DRC3: variants seen among roughly 807,000 people sequenced by gnomAD.
DRC3 encodes the protein leucine rich repeat containing 48.
DRC3 carries 45 observed loss-of-function variants against 57.6 expected under a neutral mutation model. The ratio of observed to expected loss-of-function variants is 0.78; its 90% CI spans 0.62 to 1.00. The LOEUF (loss-of-function observed/expected upper bound fraction) is 1.00, where lower values mean the gene tolerates loss of function less well. Ranked by LOEUF, DRC3 falls within the 50% of genes least tolerant of loss-of-function variation. DRC3 has a pLI of 0.00. For synonymous variants in DRC3, 257 were observed against 272.3 expected (o/e 0.94, Z 0.55); for missense variants, 655 against 675.2 (o/e 0.97, Z 0.33).
intron 5 of DRC3, among the ~76,000 whole-genome samples, chr17:17,990,128 C>T (rs2043159587): frequency 6.6e-6 from 1 of 152,208 alleles, no homozygotes. Context: ...AGAGCAAGAA[C>T]TCTCCTTCCG....
At chr17:17,979,929 A>G in intron 3 of DRC3, among the ~76,000 whole-genome samples, 1 of 152,098 alleles carries the variant, frequency 6.6e-6, no homozygotes, top group East Asian at 1.9e-4. Flanking sequence ...CTACGCAGCA[A>G]TCCGGCTCTA....
At chr17:17,977,311 A>G in intron 2 of DRC3, 1 of 429,346 alleles carries the variant, frequency 2.3e-6, no homozygotes, top group South Asian at 2.2e-5. Flanking sequence ...CAGTGTGGAC[A>G]CCAGTCCAGT....
At chr17:18,007,629 G>A in intron 12 of DRC3, 1 of 1,406,190 alleles carries the variant, frequency 7.1e-7, no homozygotes, top group East Asian at 2.7e-5. Flanking sequence ...GGGTCGGCCT[G>A]AGGAACCTGG....
At chr17:17,979,531 C>CT (rs540133990) in intron 3 of DRC3, among the ~76,000 whole-genome samples, 73 of 152,244 alleles carry the variant, frequency 4.8e-4, no homozygotes, top group Middle Eastern at 6.8e-3. Context: ...ATTAAATCGG[C>CT]TTTTTTTGGC....
At chr17:17,981,159 T>G (rs1425889790) in intron 3 of DRC3, 1 of 193,082 alleles carries the variant, frequency 5.2e-6, no homozygotes, top group Non-Finnish European at 1.2e-5. Flanking sequence ...GAGAGCTGGG[T>G]GTAGAAAAGC....
chr17:17,982,995 G>A (rs1206078198), intron 3 of DRC3, among the ~76,000 whole-genome samples: 1 of 152,196 alleles, frequency 6.6e-6, no homozygotes, highest in Admixed American at 6.5e-5. Context: ...AGACAAGTTT[G>A]GCCTCTAGAG....
intron 9 of DRC3, 95 bp from the exon 10 acceptor site, chr17:18,004,268 G>C (rs1428264061): frequency 7.3e-6 from 10 of 1,369,794 alleles, no homozygotes; most frequent in Non-Finnish European, 1.0e-5. Flanking sequence ...AGGCTGACTC[G>C]AGTCCAAATT....
At chr17:17,982,439 C>T (rs58116638) in intron 3 of DRC3, among the ~76,000 whole-genome samples, 5,913 of 150,622 alleles carry the variant, frequency 0.039, 356 homozygotes, top group African/African-American at 0.13. Flanking sequence ...ATGGTCTCCA[C>T]CTCCTCACCT....
intron 13 of DRC3, 171 bp downstream of exon 13, chr17:18,016,366 A>C: frequency 4.7e-6 from 4 of 857,972 alleles, no homozygotes; most frequent in Non-Finnish European, 5.4e-6. Context: ...AGACTTTAAA[A>C]CCCATGGGCT....
chr17:17,974,868 C>T (rs1443846019), intron 2 of DRC3, among the ~76,000 whole-genome samples: 1 of 152,204 alleles, frequency 6.6e-6, no homozygotes, highest in Non-Finnish European at 1.5e-5. Context: ...GTTTTATTCA[C>T]AGCATATAGC....
In DRC3 at chr17:18,004,483, G is replaced by A. The variant is rs2043873096; in HGVS notation, c.1120G>A (p.Glu374Lys). 1 of 1,610,634 alleles carries A rather than the reference G, an allele frequency of 6.2e-7. No individual in the cohort carries two copies. Among genetic ancestry groups the A allele is most frequent in the South Asian group, 1.1e-5 (1 of 90,068 alleles). The change falls in exon 10 of 14, where the codon GAG becomes AAG. Residue 374 changes from glutamate to lysine, a missense_variant. By Grantham distance (56) the Glu-to-Lys change is moderately conservative. Transcript: ENST00000399187. ...CATGACGCTGGAGATGCAGCTGGTG[G>A]AGCAGCTGGAGGTAAGGCTGGGCCC... is the stretch of plus-strand genomic sequence containing the variant. ...ALMTLEMQLVEQLEETINMFE... is the reference protein window; with the variant it reads ...ALMTLEMQLVKQLEETINMFE...
chr17:17,997,566 G>A lies in DRC3; in HGVS notation c.931G>A (p.Glu311Lys). ...ELDTFSECVR[E>K]AIQENQEQGK... Reference sequence around the variant, plus strand: ...TGACACCTTCAGTGAATGTGTCCGTGAGGCCATCCAGGAAAACCAGGAGCA... The same window carrying A: ...TGACACCTTCAGTGAATGTGTCCGTAAGGCCATCCAGGAAAACCAGGAGCA... The change falls in exon 9 of 14, where the codon GAG becomes AAG. Residue 311 changes from glutamate (E) to lysine (K), a missense_variant. Physicochemically the swap from Glu to Lys is moderately conservative, Grantham distance 56. Transcript: ENST00000399187. 1 of 1,610,568 alleles carries A rather than the reference G, an allele frequency of 6.2e-7. No homozygotes were observed. Among genetic ancestry groups the A allele is most frequent in the South Asian group, 1.1e-5 (1 of 90,340 alleles).
At chr17:18,016,535 C>T (rs185963900) in intron 13 of DRC3, 23 bp from the exon 14 acceptor site, 4 of 1,511,596 alleles carry the variant, frequency 2.6e-6, no homozygotes, top group East Asian at 2.3e-5. Flanking sequence ...TGTAAGGAAT[C>T]GGGCTTTGGT....
intron 5 of DRC3, among the ~76,000 whole-genome samples, chr17:17,990,679 A>C (rs2043186436): frequency 6.6e-6 from 1 of 152,228 alleles, no homozygotes; most frequent in African/African-American, 2.4e-5. Flanking sequence ...AACTCAAAGC[A>C]TAATGGTTTT....
In DRC3 at chr17:18,008,551, C is replaced by G. The variant is rs1342655702; in HGVS notation, c.1326+1404C>G. Among the ~76,000 whole-genome samples, 1 of 152,242 alleles carries G rather than the reference C, an allele frequency of 6.6e-6. No individual in the cohort carries two copies. The highest frequency in any genetic ancestry group is 1.5e-5 in the Non-Finnish European group (1 of 68,044). On this transcript the variant is annotated intron_variant, in intron 12 of 13. Coordinates refer to ENST00000399187, the MANE Select transcript of DRC3 (RefSeq NM_031294.4). This position sits in a 1 kb window ranked among gnomAD's most constrained non-coding sequence, Gnocchi z 4.3. ...AGCGTATGCTCACCAAGCCTCCACT[C>G]TGCCAGATATGGGGCTAAGTCTTGC...
intron 4 of DRC3, among the ~76,000 whole-genome samples, chr17:17,985,087 A>G (rs552917422): frequency 4.6e-5 from 7 of 152,280 alleles, no homozygotes; most frequent in Non-Finnish European, 1.0e-4. Context: ...CATGAATGCC[A>G]TGGTTTTAAG....
intron 6 of DRC3, chr17:17,993,562 A>T (rs1364420478): frequency 6.6e-6 from 1 of 152,558 alleles, no homozygotes; most frequent in East Asian, 1.9e-4. Flanking sequence ...CCAAGCCAGG[A>T]TTCACCCTAA....
intron 2 of DRC3, among the ~76,000 whole-genome samples, chr17:17,977,104 A>G (rs900733963): frequency 1.3e-5 from 2 of 152,152 alleles, no homozygotes; most frequent in African/African-American, 4.8e-5. Flanking sequence ...GGTGTGGGGC[A>G]TACACACATG....
At chr17:17,980,886 C>A (rs573559879) in intron 3 of DRC3, among the ~76,000 whole-genome samples, 5 of 152,320 alleles carry the variant, frequency 3.3e-5, no homozygotes, top group African/African-American at 1.2e-4. Context: ...AGCCACCGCA[C>A]CTAGCCACTA....
Sources: gnomAD v4.1 joint callset for allele counts (sites outside exome capture counted in the v4.1 genomes callset) on GRCh38, gnomAD v4.1.1 for gene constraint, Gnocchi (gnomAD v3.1) non-coding constraint, MANE v1.5 for transcripts, NCBI Gene and HGNC (gene_info 2026-07-23, HGNC 2026-07-21) for gene names.